The following TANGO6 variants were observed in gnomAD, a reference collection of about 807,000 sequenced individuals.
TANGO6 encodes the protein transport and Golgi organization protein 6 homolog.
A neutral mutation model predicts 114.2 loss-of-function variants in TANGO6; 90 were observed. The ratio of observed to expected loss-of-function variants is 0.79; its 90% CI spans 0.66 to 0.94. The LOEUF (loss-of-function observed/expected upper bound fraction) is 0.94. Among genes scored for constraint, TANGO6 ranks in the 40% least tolerant of loss-of-function variants. The pLI is 0.00. For synonymous variants in TANGO6, 477 were observed against 509.8 expected (o/e 0.94, Z 0.87); for missense variants, 1,274 against 1,315.3 (o/e 0.97, Z 0.49).
At chr16:68,946,522 C>T (rs1305980688) in intron 14 of TANGO6, among the ~76,000 whole-genome samples, 1 of 152,116 alleles carries the variant, frequency 6.6e-6, no homozygotes, top group East Asian at 1.9e-4. Flanking sequence ...CAGGGTCTTA[C>T]TCTCACCCAA....
At chr16:68,928,596 A>G (rs9302593) in intron 13 of TANGO6, among the ~76,000 whole-genome samples, 96,831 of 151,862 alleles carry the variant, frequency 0.64, 32,752 homozygotes, top group African/African-American at 0.89. Context: ...CACCACACCC[A>G]TCCTTCAAAA....
rs79344752 is a variant in TANGO6 at position 68,972,204 on chromosome 16, A to G, written c.2702-1824A>G. ...GAGGTGCAGGCTTAGGACCACATGC[A>G]GAGATTTCCCAGGCTCTTTGGAAGC... On this transcript the variant is annotated intron_variant, in intron 14 of 17. Transcript: ENST00000261778. 4.7e-3 allele frequency among the ~76,000 whole-genome samples: 711 copies of G among 152,090 alleles called. 5 individuals are homozygous for G. Among genetic ancestry groups the G allele is most frequent in the African/African-American group, 0.016 (677 of 41,484 alleles).
chr16:69,040,329 G>A lies in TANGO6; in HGVS notation c.3016G>A (p.Val1006Met), dbSNP rs781492534. 2.5e-6 allele frequency: 4 copies of A among 1,607,772 alleles called. No homozygotes were observed. The African/African-American group carries it at 5.3e-5, about 21-fold the overall frequency. Residue 1006 changes from valine to methionine, a missense_variant, in exon 17 of 18, where the codon GTG becomes ATG. Val to Met is a conservative substitution (Grantham distance 21, BLOSUM62 1). Coordinates refer to ENST00000261778, the MANE Select transcript of TANGO6 (RefSeq NM_024562.2). ...VHEVTACLIA[V>M]AKTDGEVQVR... Reference sequence around the variant, plus strand: ...CTAGGTAACAGCTTGCCTGATTGCTGTGGCCAAAACAGATGGTGAAGTTCA... The same window carrying A: ...CTAGGTAACAGCTTGCCTGATTGCTATGGCCAAAACAGATGGTGAAGTTCA...
Position 68,860,217 on chromosome 16 carries a change from A to T in TANGO6, c.428A>T (p.Lys143Met). 1 of 1,614,018 alleles carries T rather than the reference A, an allele frequency of 6.2e-7. No homozygotes were observed. ...GATGCACTTAGTATCTCACAACAGA[A>T]GACTGTCCAGTTCGTTTTGCAGTTT... ...SPDALSISQQKTVQFVLQFVV... is the reference protein window; with the variant it reads ...SPDALSISQQMTVQFVLQFVV... The change falls in exon 2 of 18, where the codon AAG becomes ATG. Residue 143 changes from lysine (K) to methionine (M), a missense_variant. By Grantham distance (95) the Lys-to-Met change is moderately conservative (BLOSUM62 -1). This residue lies in a region of TANGO6 where 908 missense variants were observed against 910.2 expected (regional missense o/e 1.00). Coordinates refer to ENST00000261778, the MANE Select transcript of TANGO6 (RefSeq NM_024562.2).
intron 14 of TANGO6, among the ~76,000 whole-genome samples, chr16:68,947,312 G>A (rs895117432): frequency 6.6e-6 from 1 of 151,976 alleles, no homozygotes; most frequent in Admixed American, 6.6e-5. Context: ...AAATTGGCCA[G>A]GCATGGTGGT....
intron 14 of TANGO6, among the ~76,000 whole-genome samples, chr16:68,952,931 T>C (rs1412745783): frequency 1.3e-5 from 2 of 152,170 alleles, no homozygotes; most frequent in African/African-American, 4.8e-5. Context: ...TTTTCCACTA[T>C]TGATAACCTT....
rs143061953 is a variant in TANGO6, at chr16:68,980,383, T to TTCTCTCTCTCTCTCTCTCTCTCTCTCTC, written c.2842+6242_2842+6243insCTCTCTCTCTCTCTCTCTCTCTCTCTCT. On this transcript the variant is annotated intron_variant, in intron 15 of 17. Transcript: ENST00000261778. ...TGAGTATGAATCTATCTGTCTGTCA[T>TTCTCTCTCTCTCTCTCTCTCTCTCTCTC]TCTCTCTCTCTCTCTCTCTCTCTCT... Among the ~76,000 whole-genome samples, 74 of 36,798 alleles carry TTCTCTCTCTCTCTCTCTCTCTCTCTCTC rather than the reference T, an allele frequency of 2.0e-3. 3 individuals are homozygous for TTCTCTCTCTCTCTCTCTCTCTCTCTCTC. The highest frequency in any genetic ancestry group is 8.1e-3 in the East Asian group (10 of 1,232). The allele number at this position is 36,798 out of a possible 152,430, so 24.1% of individuals were successfully genotyped here.
chr16:69,028,980 A>G (rs1959550422), intron 16 of TANGO6, among the ~76,000 whole-genome samples: 1 of 152,224 alleles, frequency 6.6e-6, no homozygotes, highest in Admixed American at 6.5e-5. Context: ...AAAACTAATG[A>G]ACCTGAACAA....
At chr16:69,029,932 A>G (rs1959566892) in intron 16 of TANGO6, among the ~76,000 whole-genome samples, 1 of 151,676 alleles carries the variant, frequency 6.6e-6, no homozygotes, top group Non-Finnish European at 1.5e-5. Context: ...ACATGGTTAA[A>G]CCCCATCTCT....
intron 3 of TANGO6, among the ~76,000 whole-genome samples, chr16:68,866,867 G>A (rs1459218510): frequency 6.6e-6 from 1 of 152,066 alleles, no homozygotes; most frequent in African/African-American, 2.4e-5. Flanking sequence ...AACCCGGGAG[G>A]TGGAGGTTGC....
At chr16:68,897,149 C>A (rs1962716812) in intron 7 of TANGO6, among the ~76,000 whole-genome samples, 1 of 152,138 alleles carries the variant, frequency 6.6e-6, no homozygotes, top group Non-Finnish European at 1.5e-5. Flanking sequence ...GATCCACCCG[C>A]CTCTGCCTCC....
chr16:69,022,121 C>T (rs186393672), intron 15 of TANGO6, among the ~76,000 whole-genome samples: 3 of 151,926 alleles, frequency 2.0e-5, no homozygotes, highest in Admixed American at 6.6e-5. Flanking sequence ...CTCCTGACCT[C>T]GTGATCCGCC....
At chr16:69,030,707 CAAAG>C (rs1290990948) in intron 16 of TANGO6, among the ~76,000 whole-genome samples, 1 of 151,946 alleles carries the variant, frequency 6.6e-6, no homozygotes, top group Non-Finnish European at 1.5e-5. Flanking sequence ...GGTGCTGACA[CAAAG>C]AAAAGCATCG....
At chr16:69,003,684 GT>G (rs1188668328) in intron 15 of TANGO6, among the ~76,000 whole-genome samples, 5 of 151,978 alleles carry the variant, frequency 3.3e-5, no homozygotes, top group Admixed American at 6.6e-5. Flanking sequence ...ATATAAAAAA[GT>G]TTAATAAGTT....
At chr16:68,923,469 G>A (rs2152193509) in intron 12 of TANGO6, among the ~76,000 whole-genome samples, 1 of 152,324 alleles carries the variant, frequency 6.6e-6, no homozygotes, top group African/African-American at 2.4e-5. Context: ...GAAATCTGTT[G>A]CATGCTGGTG....
intron 5 of TANGO6, 54 bp from the exon 6 acceptor site, chr16:68,878,064 A>T (rs1234863026): frequency 7.0e-7 from 1 of 1,434,806 alleles, no homozygotes; most frequent in Non-Finnish European, 9.3e-7. Context: ...GTTTTTAGTT[A>T]CTGTCATATT....
At chr16:68,970,225 T>G (rs563449027) in intron 14 of TANGO6, among the ~76,000 whole-genome samples, 28 of 152,228 alleles carry the variant, frequency 1.8e-4, no homozygotes, top group Admixed American at 1.3e-3. Flanking sequence ...CATGGTGGTG[T>G]TGTTACCAGA....
intron 14 of TANGO6, among the ~76,000 whole-genome samples, chr16:68,972,543 A>G (rs1420182346): frequency 6.6e-6 from 1 of 152,094 alleles, no homozygotes; most frequent in African/African-American, 2.4e-5. Context: ...AGGACTGTAT[A>G]TTTGAATCCT....
rs199609968 is a variant in TANGO6, at chr16:68,964,824, C to T, written c.2702-9204C>T. ...CAAGTGATTCTTTCACCCACCTCAGCTTCTCAAATGCTGGGATTACAGGCG... is the reference window on the plus strand; with the variant it reads ...CAAGTGATTCTTTCACCCACCTCAGTTTCTCAAATGCTGGGATTACAGGCG... On this transcript the variant is annotated intron_variant, in intron 14 of 17. Coordinates refer to ENST00000261778, the MANE Select transcript of TANGO6 (RefSeq NM_024562.2). 2.6e-5 allele frequency among the ~76,000 whole-genome samples: 4 copies of T among 152,182 alleles called. No homozygotes were observed. The East Asian group carries it at 7.7e-4, about 29-fold the overall frequency.
Sources: gnomAD v4.1 joint callset for allele counts (sites outside exome capture counted in the v4.1 genomes callset) on GRCh38, gnomAD v4.1.1 for gene constraint, gnomAD v4.1.1 regional missense constraint, MANE v1.5 for transcripts, NCBI Gene and HGNC (gene_info 2026-07-23, HGNC 2026-07-21) for gene names.